Variants in ITPRID1 observed in about 807,000 individuals in gnomAD.
ITPRID1 encodes protein ITPRID1.
In ITPRID1, 96 loss-of-function variants were observed where a neutral mutation model predicts 95.4. The ratio of observed to expected loss-of-function variants is 1.01; its 90% CI spans 0.85 to 1.19. The LOEUF (loss-of-function observed/expected upper bound fraction) is 1.19. ITPRID1 is among the 50% of genes most tolerant of loss of function. The probability of loss-of-function intolerance (pLI) is 0.00; values close to 1 mark genes in which losing one functional copy is unlikely to be tolerated. For synonymous variants in ITPRID1, 510 were observed against 453.6 expected (o/e 1.12, Z -1.58); for missense variants, 1,339 against 1,252.9 (o/e 1.07, Z -1.04).
At chr7:31,628,589 C>T (rs1788701320) in intron 10 of ITPRID1, among the ~76,000 whole-genome samples, 1 of 152,036 alleles carries the variant, frequency 6.6e-6, no homozygotes, top group Non-Finnish European at 1.5e-5. Context: ...TCCCCAGCAG[C>T]TGGGACTACA....
At chr7:31,524,945 A>G (rs926532864) in intron 1 of ITPRID1, among the ~76,000 whole-genome samples, 13 of 150,432 alleles carry the variant, frequency 8.6e-5, no homozygotes, top group African/African-American at 3.2e-4. Flanking sequence ...AAAAGGTAAG[A>G]TTCAGGTTCA....
In ITPRID1 at chr7:31,642,206, A is replaced by C; in HGVS notation, c.1259A>C (p.Gln420Pro). 6.4e-7 allele frequency: 1 copy of C among 1,561,994 alleles called. No individual in the cohort carries two copies. The highest frequency in any genetic ancestry group is 8.7e-7 in the Non-Finnish European group (1 of 1,153,986). Residue 420 changes from glutamine (Q) to proline (P), a missense_variant, in exon 11 of 15, where the codon CAG becomes CCG. Physicochemically the swap from Gln to Pro is moderately conservative, Grantham distance 76 (BLOSUM62 -1). Transcript: ENST00000615280. Reference sequence around the variant, plus strand: ...AGGGTGGACAGAGCAAATAGCTGCCAGTCTGACAGCAGCGGGTTCCTGGAG... The same window carrying C: ...AGGGTGGACAGAGCAAATAGCTGCCCGTCTGACAGCAGCGGGTTCCTGGAG... ...GARVDRANSC[Q>P]SDSSGFLEEP...
chr7:31,610,001 A>G (rs1786795517), intron 10 of ITPRID1, among the ~76,000 whole-genome samples: 1 of 151,510 alleles, frequency 6.6e-6, no homozygotes, highest in Non-Finnish European at 1.5e-5. Context: ...ATCTTGAAGT[A>G]TATTCTATTT....
At chr7:31,640,635 C>T (rs1051131639) in intron 10 of ITPRID1, among the ~76,000 whole-genome samples, 2 of 142,242 alleles carry the variant, frequency 1.4e-5, no homozygotes, top group African/African-American at 2.5e-5. Flanking sequence ...TCCATTGTCT[C>T]GAAAAACTTT....
intron 10 of ITPRID1, among the ~76,000 whole-genome samples, chr7:31,599,041 C>A (rs914015141): frequency 2.6e-5 from 4 of 152,144 alleles, no homozygotes; most frequent in Non-Finnish European, 5.9e-5. Context: ...GATCCCTTAA[C>A]CCAGCCATTC....
intron 12 of ITPRID1, among the ~76,000 whole-genome samples, chr7:31,649,946 G>C (rs1214766482): frequency 1.3e-5 from 2 of 152,182 alleles, no homozygotes; most frequent in Admixed American, 1.3e-4. Context: ...TCTAAAGAGA[G>C]AATAAGGGAG....
chr7:31,612,007 A>G (rs573264668), intron 10 of ITPRID1, among the ~76,000 whole-genome samples: 98 of 151,704 alleles, frequency 6.5e-4, no homozygotes, highest in African/African-American at 2.2e-3. Flanking sequence ...ATGGTGTTTC[A>G]CAGGTCTCTG....
In ITPRID1 at chr7:31,644,006, C is replaced by A. The variant is rs547690779; in HGVS notation, c.2583+53C>A. On this transcript the variant is annotated intron_variant, in intron 12 of 14. Coordinates refer to ENST00000615280, the MANE Select transcript of ITPRID1 (RefSeq NM_001257967.3). Reference sequence around the variant, plus strand: ...AAGGCAGATGCACCCGTGATAAACACCTCAGGGATAATATTCAGACTTCCT... The same window carrying A: ...AAGGCAGATGCACCCGTGATAAACAACTCAGGGATAATATTCAGACTTCCT... 1,391 of 1,469,560 alleles carry A rather than the reference C, an allele frequency of 9.5e-4. 6 individuals are homozygous for A. Among genetic ancestry groups the A allele is most frequent in the Non-Finnish European group, 1.1e-3 (1,194 of 1,094,188 alleles). The allele number at this position is 1,469,560 out of a possible 1,614,324, so 91.0% of individuals were successfully genotyped here.
chr7:31,619,602 T>C (rs1787607151), intron 10 of ITPRID1, among the ~76,000 whole-genome samples: 2 of 152,138 alleles, frequency 1.3e-5, no homozygotes, highest in East Asian at 3.9e-4. Context: ...GAGTGTTCTT[T>C]TAACAGTTAA....
intron 12 of ITPRID1, among the ~76,000 whole-genome samples, chr7:31,649,512 T>C (rs542800001): frequency 1.1e-4 from 16 of 152,314 alleles, no homozygotes; most frequent in Non-Finnish European, 1.5e-4. Flanking sequence ...TGTAATTTTT[T>C]AGCTAGACAC....
At chr7:31,587,244 TG>T in intron 10 of ITPRID1, among the ~76,000 whole-genome samples, 1 of 152,198 alleles carries the variant, frequency 6.6e-6, no homozygotes, top group East Asian at 1.9e-4. Context: ...AAAACCCCAT[TG>T]TCTCAGCCCA....
chr7:31,548,798 A>G (rs761569175), intron 1 of ITPRID1, among the ~76,000 whole-genome samples: 89 of 152,020 alleles, frequency 5.9e-4, no homozygotes, highest in Non-Finnish European at 1.1e-3. Context: ...GTTTGTGGTA[A>G]TCATTTTTTT....
chr7:31,557,861 T>C (rs1277170680), intron 5 of ITPRID1, among the ~76,000 whole-genome samples: 1 of 152,166 alleles, frequency 6.6e-6, no homozygotes. Context: ...ACTAATAACA[T>C]TTACTACACG....
At chr7:31,568,190 C>T (rs978866580) in intron 5 of ITPRID1, among the ~76,000 whole-genome samples, 1 of 151,656 alleles carries the variant, frequency 6.6e-6, no homozygotes, top group African/African-American at 2.4e-5. Flanking sequence ...CCTTCTAGAC[C>T]AGTCTTCTTT....
intron 1 of ITPRID1, among the ~76,000 whole-genome samples, chr7:31,542,807 A>G (rs530498271): frequency 6.6e-6 from 1 of 152,264 alleles, no homozygotes; most frequent in African/African-American, 2.4e-5. Flanking sequence ...AGTATATGCA[A>G]ACAAAAATGT....
Position 31,651,139 on chromosome 7 carries a change from C to T in ITPRID1, c.2584-3C>T, listed in dbSNP as rs766304075. Reference sequence around the variant, plus strand: ...CTTCTCAGTTCTTTCTCATTGTTCTCAGTGCACAGTCCATGAGATGGAAGC... The same window carrying T: ...CTTCTCAGTTCTTTCTCATTGTTCTTAGTGCACAGTCCATGAGATGGAAGC... On this transcript the variant is annotated splice_polypyrimidine_tract_variant and splice_region_variant and intron_variant, in intron 12 of 14. Coordinates refer to ENST00000615280, the MANE Select transcript of ITPRID1 (RefSeq NM_001257967.3). The T allele has an allele frequency of 1.2e-6, 2 of 1,611,812 alleles. No homozygotes were observed. Among genetic ancestry groups the T allele is most frequent in the Non-Finnish European group, 1.7e-6 (2 of 1,178,768 alleles).
At chr7:31,557,438 G>A (rs73085457) in intron 5 of ITPRID1, among the ~76,000 whole-genome samples, 20,694 of 152,048 alleles carry the variant, frequency 0.14, 1,831 homozygotes, top group Non-Finnish European at 0.19. Flanking sequence ...TTCCTGTTGG[G>A]TTCTATGATG....
At chr7:31,554,288 C>T in intron 3 of ITPRID1, 187 bp from the exon 4 acceptor site, 1 of 1,081,920 alleles carries the variant, frequency 9.2e-7, no homozygotes, top group Non-Finnish European at 1.2e-6. Context: ...ACACTTCATT[C>T]TCAGGAAAGG....
intron 10 of ITPRID1, among the ~76,000 whole-genome samples, chr7:31,624,458 A>AT (rs1294124578): frequency 2.7e-5 from 3 of 111,908 alleles, no homozygotes; most frequent in Non-Finnish European, 3.7e-5. Flanking sequence ...AGCCCTCAGA[A>AT]ATAACGCCAC....
Sources: gnomAD v4.1 joint callset for allele counts (sites outside exome capture counted in the v4.1 genomes callset) on GRCh38, gnomAD v4.1.1 for gene constraint, MANE v1.5 for transcripts, NCBI Gene and HGNC (gene_info 2026-07-23, HGNC 2026-07-21) for gene names.